Variants in JARID2 observed in about 807,000 individuals in gnomAD.
The protein encoded by JARID2 is jumonji and AT-rich interaction domain containing 2, also known as protein Jumonji.
In JARID2, 21 loss-of-function variants were observed where a neutral mutation model predicts 125.6. The ratio of observed to expected loss-of-function variants is 0.17; its 90% CI spans 0.12 to 0.24. JARID2 has a LOEUF of 0.24. JARID2 is among the 10% of genes least tolerant of loss of function. JARID2 has a pLI of 1.00. For synonymous variants in JARID2, 736 were observed against 661.6 expected (o/e 1.11, Z -1.73); for missense variants, 1,303 against 1,639.6 (o/e 0.79, Z 3.55).
rs114409942 is a variant in JARID2 at position 15,247,991 on chromosome 6, G to A, written c.45+1407G>A. 1,248 of 985,436 alleles carry A rather than the reference G, an allele frequency of 1.3e-3. 9 individuals carry two copies. The African/African-American group carries it at 0.019, about 15-fold the overall frequency. 61.0% of individuals were successfully genotyped at this position (985,436 alleles called of 1,614,324 possible). Reference sequence around the variant, plus strand: ...CGGATGCAGCCACAAAGCAAATGGGGTAGAACTTGGACGAGAACCGCACCC... The same window carrying A: ...CGGATGCAGCCACAAAGCAAATGGGATAGAACTTGGACGAGAACCGCACCC... On this transcript the variant is annotated intron_variant, in intron 1 of 17. Coordinates refer to ENST00000341776, the MANE Select transcript of JARID2 (RefSeq NM_004973.4).
intron 9 of JARID2, among the ~76,000 whole-genome samples, 200 bp downstream of exon 9, chr6:15,504,792 C>G (rs959911472): frequency 2.0e-5 from 3 of 152,132 alleles, no homozygotes; most frequent in Admixed American, 6.5e-5. Context: ...GTTCACAAGC[C>G]AAAAACACTA....
rs199673863 is a variant in JARID2, at chr6:15,319,286, CA to C, written c.46-54829del. On this transcript the variant is annotated intron_variant, in intron 1 of 17. Coordinates refer to ENST00000341776, the MANE Select transcript of JARID2 (RefSeq NM_004973.4). ...CAATGAGAAGCTGTGCTGCCTTGAA[CA>C]ATAATTTTAAAAGAGTTGCTCTGAC... Among the ~76,000 whole-genome samples the C allele has an allele frequency of 8.1e-3, 1,239 of 152,232 alleles. 8 individuals carry two copies. Among genetic ancestry groups the C allele is most frequent in the South Asian group, 0.042 (203 of 4,822 alleles).
intron 2 of JARID2, among the ~76,000 whole-genome samples, chr6:15,403,844 C>T (rs901355599): frequency 6.6e-6 from 1 of 152,026 alleles, no homozygotes; most frequent in Non-Finnish European, 1.5e-5. Flanking sequence ...ATATGTCCCC[C>T]GCGTCCACCT....
intron 5 of JARID2, 112 bp from the exon 6 acceptor site, chr6:15,487,195 A>G: frequency 1.2e-6 from 1 of 837,054 alleles, no homozygotes; most frequent in South Asian, 1.7e-5. Context: ...ACACATGGGG[A>G]TTACAGTTGG....
intron 1 of JARID2, among the ~76,000 whole-genome samples, chr6:15,312,263 C>G (rs1762039490): frequency 6.6e-6 from 1 of 152,126 alleles, no homozygotes; most frequent in Admixed American, 6.5e-5. Context: ...CTGTCTTGGC[C>G]AGGCTGGGCT....
intron 12 of JARID2, chr6:15,509,011 G>T (rs1184604183): frequency 7.8e-7 from 1 of 1,289,256 alleles, no homozygotes; most frequent in Non-Finnish European, 1.0e-6. Context: ...GCTGTGGGGA[G>T]TAGAGTTGAC....
Position 15,512,908 on chromosome 6 carries a change from C to A in JARID2, c.3136-7C>A. 3.1e-6 allele frequency: 5 copies of A among 1,613,648 alleles called. No homozygotes were observed. Among genetic ancestry groups the A allele is most frequent in the Non-Finnish European group, 4.2e-6 (5 of 1,179,846 alleles). On this transcript the variant is annotated splice_polypyrimidine_tract_variant and splice_region_variant and intron_variant, in intron 14 of 17. Coordinates refer to ENST00000341776, the MANE Select transcript of JARID2 (RefSeq NM_004973.4). ...TCCACCCTAAAGGGATGTGACTCCT[C>A]TTTCAGGAAATGAAGCGTCGCCATA...
chr6:15,283,826 T>C (rs568449666), intron 1 of JARID2, among the ~76,000 whole-genome samples: 83 of 150,154 alleles, frequency 5.5e-4, no homozygotes, highest in African/African-American at 1.8e-3. Flanking sequence ...CTGCCTCAGC[T>C]TCCTGAGTAG....
At chr6:15,358,457 G>C (rs1763680897) in intron 1 of JARID2, among the ~76,000 whole-genome samples, 1 of 152,156 alleles carries the variant, frequency 6.6e-6, no homozygotes, top group Admixed American at 6.5e-5. Context: ...GGTGGATTAG[G>C]ACTGAATTAC....
chr6:15,493,210 A>C (rs1332842783), intron 6 of JARID2, among the ~76,000 whole-genome samples: 1 of 152,000 alleles, frequency 6.6e-6, no homozygotes, highest in Non-Finnish European at 1.5e-5. Context: ...GGTGTTAGGG[A>C]AGGGTAGGGT....
intron 3 of JARID2, among the ~76,000 whole-genome samples, chr6:15,435,076 A>G (rs1251586477): frequency 1.3e-5 from 2 of 152,178 alleles, no homozygotes; most frequent in African/African-American, 4.8e-5. Context: ...CCTGTTTTTC[A>G]AACTTGGCTT....
intron 3 of JARID2, among the ~76,000 whole-genome samples, chr6:15,447,888 A>G (rs1349348534): frequency 6.6e-6 from 1 of 152,206 alleles, no homozygotes; most frequent in African/African-American, 2.4e-5. Flanking sequence ...AGTTTTCAGC[A>G]CATCCAAATC....
At position 15,415,492 on chromosome 6, in the gene JARID2, G is replaced by A. The variant is rs1399154702; in HGVS notation, c.323+5127G>A. Among the ~76,000 whole-genome samples, 3 of 138,826 alleles carry A rather than the reference G, an allele frequency of 2.2e-5. No individual in the cohort carries two copies. In the East Asian group the frequency reaches 6.5e-4, roughly 30 times the overall value. The allele number at this position is 138,826 out of a possible 152,430, so 91.1% of individuals were successfully genotyped here. ...CACGGGGCGGCTGGCCGGGCAGAGG[G>A]GCTCCTCACTTCCCAGTAGGGGCTG... On this transcript the variant is annotated intron_variant, in intron 3 of 17. Transcript: ENST00000341776.
At chr6:15,454,768 G>A (rs1287464912) in intron 4 of JARID2, among the ~76,000 whole-genome samples, 1 of 152,072 alleles carries the variant, frequency 6.6e-6, no homozygotes, top group Admixed American at 6.6e-5. Context: ...ACAGGCATGA[G>A]CCAACATGCC....
intron 1 of JARID2, among the ~76,000 whole-genome samples, chr6:15,288,997 A>C (rs1271631264): frequency 6.6e-6 from 1 of 152,192 alleles, no homozygotes; most frequent in African/African-American, 2.4e-5. Context: ...GGCAAGGAGC[A>C]GGGGTGGTTG....
chr6:15,421,239 G>A (rs1278639550), intron 3 of JARID2, among the ~76,000 whole-genome samples: 1 of 152,082 alleles, frequency 6.6e-6, no homozygotes, highest in Non-Finnish European at 1.5e-5. Flanking sequence ...GTTGTTTTGT[G>A]TGGATTTTTA....
At chr6:15,390,210 C>T (rs1764945643) in intron 2 of JARID2, among the ~76,000 whole-genome samples, 1 of 152,106 alleles carries the variant, frequency 6.6e-6, no homozygotes, top group African/African-American at 2.4e-5. Flanking sequence ...GATGAGAAAC[C>T]CAATGTGAGT....
intron 2 of JARID2, among the ~76,000 whole-genome samples, chr6:15,383,696 A>C (rs1378087238): frequency 6.6e-6 from 1 of 152,156 alleles, no homozygotes; most frequent in Non-Finnish European, 1.5e-5. Context: ...TGCCCAAGCC[A>C]CATTTCCATT....
intron 2 of JARID2, among the ~76,000 whole-genome samples, chr6:15,390,488 A>C (rs1307365064): frequency 6.6e-6 from 1 of 152,150 alleles, no homozygotes; most frequent in Non-Finnish European, 1.5e-5. Flanking sequence ...TTCCAAGGGA[A>C]TAGGTTAAGA....
Sources: allele counts gnomAD v4.1 joint callset (sites outside exome capture counted in the v4.1 genomes callset), GRCh38; gene constraint gnomAD v4.1.1; transcripts MANE v1.5; gene names NCBI Gene and HGNC (gene_info 2026-07-23, HGNC 2026-07-21).